ZNF484: variants seen among roughly 807,000 people sequenced by gnomAD.
ZNF484 encodes zinc finger protein 484, also known as KRAB box containing C2H2 type zinc finger bA526D8.4.
In ZNF484, 11 loss-of-function variants were observed where a neutral mutation model predicts 12.9. The observed-to-expected ratio is 0.85, with a 90% CI of 0.54 to 1.41. ZNF484 has a LOEUF of 1.41. ZNF484 is among the 40% of genes most tolerant of loss of function. The pLI, the probability that ZNF484 is intolerant of heterozygous loss-of-function variation, is 0.00. For synonymous variants in ZNF484, 289 were observed against 334.1 expected (o/e 0.86, Z 1.47); for missense variants, 807 against 1,007.7 (o/e 0.80, Z 2.70).
At position 92,846,163 on chromosome 9, in the gene ZNF484, CA is replaced by C; in HGVS notation, c.*64del. 1 of 1,522,458 alleles carries C rather than the reference CA, an allele frequency of 6.6e-7. No individual in the cohort carries two copies. Among genetic ancestry groups the C allele is most frequent in the Non-Finnish European group, 8.9e-7 (1 of 1,129,932 alleles). The allele number at this position is 1,522,458 out of a possible 1,614,324, so 94.3% of individuals were successfully genotyped here. A position where few individuals can be genotyped will look rare whatever the true frequency, so the allele number is the denominator to read the frequency against. On this transcript the variant is annotated 3_prime_UTR_variant, in exon 5 of 5. Coordinates refer to ENST00000375495, the MANE Select transcript of ZNF484 (RefSeq NM_031486.4). ...CCACTATACATTGCTTAAACACTCT[CA>C]AAAGTGTCTCCCCATATGTGTAACT...
At chr9:92,871,757 C>T (rs949147384) in intron 2 of ZNF484, among the ~76,000 whole-genome samples, 23 of 152,172 alleles carry the variant, frequency 1.5e-4, no homozygotes, top group Admixed American at 3.3e-4. Flanking sequence ...AACCATGGCT[C>T]CCCAAAGATG....
Position 92,847,411 on chromosome 9 carries a change from T to A in ZNF484, c.1376A>T (p.Gln459Leu), listed in dbSNP as rs1422056013. Residue 459 changes from glutamine to leucine, a missense_variant, in exon 5 of 5, where the codon CAG becomes CTG. Gln to Leu is a moderately radical substitution (Grantham distance 113). Coordinates refer to ENST00000375495, the MANE Select transcript of ZNF484 (RefSeq NM_031486.4). ...FIKKSQLHVH[Q>L]RIHTGENPFI... Reference sequence around the variant, plus strand: ...GGGATTCTCTCCTGTGTGAATTCGCTGATGCACATGGAGTTGTGATTTTTT... The same window carrying A: ...GGGATTCTCTCCTGTGTGAATTCGCAGATGCACATGGAGTTGTGATTTTTT... The A allele has an allele frequency of 6.2e-7, 1 of 1,613,980 alleles. No individual in the cohort carries two copies. Among genetic ancestry groups the A allele is most frequent in the Non-Finnish European group, 8.5e-7 (1 of 1,179,972 alleles).
rs185728295 is a variant in ZNF484, at chr9:92,848,658, T to A, written c.236-107A>T. The A allele has an allele frequency of 2.9e-6, 3 of 1,039,682 alleles. No homozygotes were observed. Among genetic ancestry groups the A allele is most frequent in the East Asian group, 5.3e-5 (2 of 37,580 alleles). The allele number at this position is 1,039,682 out of a possible 1,614,324, so 64.4% of individuals were successfully genotyped here. ...ATCCTAGCACTTTGGGAGGCTGAGGTGGGCAGATCACTTGAGGCCAGGAGT... is the reference window on the plus strand; with the variant it reads ...ATCCTAGCACTTTGGGAGGCTGAGGAGGGCAGATCACTTGAGGCCAGGAGT... On this transcript the variant is annotated intron_variant, in intron 4 of 4. Transcript: ENST00000375495. The surrounding 1 kb of genome is among the most constrained non-coding windows in gnomAD (Gnocchi z 4.1).
chr9:92,862,449 T>C (rs968298041), intron 2 of ZNF484, among the ~76,000 whole-genome samples: 9 of 151,670 alleles, frequency 5.9e-5, no homozygotes, highest in South Asian at 2.1e-4. Flanking sequence ...TTCTGTAGAG[T>C]TGATGAAACT....
At chr9:92,869,210 G>T (rs1466989303) in intron 2 of ZNF484, among the ~76,000 whole-genome samples, 1 of 151,956 alleles carries the variant, frequency 6.6e-6, no homozygotes, top group Non-Finnish European at 1.5e-5. Flanking sequence ...TATTGAGAAG[G>T]TATTTATATA....
At chr9:92,864,171 T>C (rs1462231328) in intron 2 of ZNF484, among the ~76,000 whole-genome samples, 1 of 152,212 alleles carries the variant, frequency 6.6e-6, no homozygotes, top group African/African-American at 2.4e-5. Context: ...TAACAGAACA[T>C]GAATTCTTAG....
At chr9:92,854,533 T>C (rs1310975282) in intron 4 of ZNF484, among the ~76,000 whole-genome samples, 2 of 152,034 alleles carry the variant, frequency 1.3e-5, no homozygotes, top group Non-Finnish European at 2.9e-5. Context: ...CTGGCTAACA[T>C]GGTGAAACCC....
intron 2 of ZNF484, among the ~76,000 whole-genome samples, chr9:92,867,892 A>T (rs1395194060): frequency 6.6e-6 from 1 of 151,728 alleles, no homozygotes; most frequent in Non-Finnish European, 1.5e-5. Context: ...GGTCTTGGAG[A>T]CTCCTGAGCT....
In ZNF484 at chr9:92,856,295, T is replaced by TA; in HGVS notation, c.38dup (p.Thr14AsnfsTer6). 1 of 1,606,518 alleles carries TA rather than the reference T, an allele frequency of 6.2e-7. No homozygotes were observed. Among genetic ancestry groups the TA allele is most frequent in the Non-Finnish European group, 8.5e-7 (1 of 1,176,472 alleles). On this transcript the variant is annotated frameshift_variant, in exon 3 of 5. Transcript: ENST00000375495. LOFTEE classifies it high-confidence loss of function. ...ACTCATCCCTACTGAAGTCTACAGT[T>TA]ACGTCCTTGAATGACACTGATTCCT...
chr9:92,858,725 TAACA>T (rs1428822982), intron 2 of ZNF484, among the ~76,000 whole-genome samples: 2 of 151,964 alleles, frequency 1.3e-5, no homozygotes, highest in Non-Finnish European at 2.9e-5. Context: ...ATATCTGGGG[TAACA>T]AACAGTAAAA....
At chr9:92,859,076 A>C (rs1453097309) in intron 2 of ZNF484, among the ~76,000 whole-genome samples, 1 of 152,130 alleles carries the variant, frequency 6.6e-6, no homozygotes, top group Non-Finnish European at 1.5e-5. Context: ...CAGTGAGCCA[A>C]GACTGCACCA....
intron 2 of ZNF484, among the ~76,000 whole-genome samples, chr9:92,873,933 TA>T (rs58454010): frequency 0.08 from 12,233 of 152,158 alleles, 601 homozygotes; most frequent in South Asian, 0.2. Context: ...ACAAATAATT[TA>T]AAAAGTATAT....
chr9:92,863,827 T>C (rs1214977069), intron 2 of ZNF484, among the ~76,000 whole-genome samples: 2 of 152,144 alleles, frequency 1.3e-5, no homozygotes, highest in South Asian at 2.1e-4. Context: ...AGAGTGGAGA[T>C]AAAGATTTGG....
At chr9:92,865,732 C>T (rs766155163) in intron 2 of ZNF484, among the ~76,000 whole-genome samples, 1 of 151,902 alleles carries the variant, frequency 6.6e-6, no homozygotes, top group South Asian at 2.1e-4. Flanking sequence ...CATAGCAAGA[C>T]GCCGTCTCTA....
At chr9:92,868,256 A>C (rs1857225241) in intron 2 of ZNF484, among the ~76,000 whole-genome samples, 1 of 152,236 alleles carries the variant, frequency 6.6e-6, no homozygotes, top group Non-Finnish European at 1.5e-5. Flanking sequence ...GGGACAGCCC[A>C]TGCCAGTAGC....
At chr9:92,873,844 A>G (rs1857609141) in intron 2 of ZNF484, among the ~76,000 whole-genome samples, 1 of 152,138 alleles carries the variant, frequency 6.6e-6, no homozygotes, top group Non-Finnish European at 1.5e-5. Flanking sequence ...GAAAAAACAG[A>G]AAGAGAGACA....
At position 92,847,016 on chromosome 9, in the gene ZNF484, GGAA is replaced by G; in HGVS notation, c.1768_1770del (p.Phe590del). 1.2e-6 allele frequency: 2 copies of G among 1,613,974 alleles called. No individual in the cohort carries two copies. Among genetic ancestry groups the G allele is most frequent in the Non-Finnish European group, 1.7e-6 (2 of 1,179,976 alleles). ...TCATGTGTAATAAAATGGGATTTGT[GGAA>G]GAAGGCCTTACCACATTCAGTGCAA... On this transcript the variant is annotated inframe_deletion, in exon 5 of 5. Coordinates refer to ENST00000375495, the MANE Select transcript of ZNF484 (RefSeq NM_031486.4).
Position 92,847,543 on chromosome 9 carries a change from G to A in ZNF484, c.1244C>T (p.Thr415Ile), listed in dbSNP as rs1855737388. The change falls in exon 5 of 5, where the codon ACT (threonine) becomes ATT (isoleucine). Residue 415 changes from threonine to isoleucine, a missense_variant. By Grantham distance (89) the Thr-to-Ile change is moderately conservative (BLOSUM62 -1). Coordinates refer to ENST00000375495, the MANE Select transcript of ZNF484 (RefSeq NM_031486.4). Reference protein sequence around the residue: ...IHTGEKPYVCTECGKAFIRKS... With the variant: ...IHTGEKPYVCIECGKAFIRKS... ...CCGGATAAAGGCCTTCCCACATTCA[G>A]TACATACATAAGGTTTTTCTCCTGT... The A allele has an allele frequency of 1.2e-6, 2 of 1,613,988 alleles. No individual in the cohort carries two copies. The highest frequency in any genetic ancestry group is 1.7e-6 in the Non-Finnish European group (2 of 1,179,990).
intron 2 of ZNF484, among the ~76,000 whole-genome samples, chr9:92,863,879 A>T (rs1856919846): frequency 6.6e-6 from 1 of 152,220 alleles, no homozygotes; most frequent in Admixed American, 6.5e-5. Flanking sequence ...CATCTGAGTA[A>T]ATGAGACTGC....
Sources: gnomAD v4.1 joint callset for allele counts (sites outside exome capture counted in the v4.1 genomes callset) on GRCh38, gnomAD v4.1.1 for gene constraint, Gnocchi (gnomAD v3.1) non-coding constraint, MANE v1.5 for transcripts, NCBI Gene and HGNC (gene_info 2026-07-23, HGNC 2026-07-21) for gene names.